The following STX18 variants were observed in gnomAD, a reference collection of about 807,000 sequenced individuals.
STX18 encodes the protein syntaxin 18, also known as syntaxin-18.
A neutral mutation model predicts 50.1 loss-of-function variants in STX18; 40 were observed. That is an observed-to-expected ratio of 0.80 (90% CI 0.62 to 1.04). The LOEUF is 1.04. STX18 is among the 50% of genes least tolerant of loss of function. STX18 has a pLI of 0.00. For missense variants in STX18, 410 were observed against 415.8 expected (o/e 0.99, Z 0.12); for synonymous variants, 158 against 151.8 (o/e 1.04, Z -0.30).
intron 1 of STX18, among the ~76,000 whole-genome samples, chr4:4,532,445 A>AAAC (rs372094545): frequency 1.2e-4 from 18 of 152,076 alleles, no homozygotes; most frequent in African/African-American, 2.2e-4. Flanking sequence ...CTAACTTTGA[A>AAAC]AACAACAACA....
chr4:4,501,038 C>CA (rs1192410826), intron 1 of STX18, among the ~76,000 whole-genome samples: 6 of 151,732 alleles, frequency 4.0e-5, no homozygotes, highest in African/African-American at 1.5e-4. Context: ...GACTCCATAT[C>CA]AAAAAAAATA....
At chr4:4,443,329 T>C (rs1167366069) in intron 5 of STX18, among the ~76,000 whole-genome samples, 1 of 152,234 alleles carries the variant, frequency 6.6e-6, no homozygotes, top group African/African-American at 2.4e-5. Flanking sequence ...AGCTGTAAAA[T>C]AGAATGTATA....
chr4:4,467,286 A>C (rs1727661813), intron 2 of STX18, among the ~76,000 whole-genome samples: 1 of 152,174 alleles, frequency 6.6e-6, no homozygotes, highest in Non-Finnish European at 1.5e-5. Context: ...GGCTGTTATC[A>C]CATTTGTTTC....
At chr4:4,424,290 G>A (rs771003727) in intron 8 of STX18, among the ~76,000 whole-genome samples, 13 of 152,148 alleles carry the variant, frequency 8.5e-5, no homozygotes, top group African/African-American at 2.7e-4. Flanking sequence ...ACAAAGCAGC[G>A]ACAGGAAGTG....
chr4:4,489,974 C>T (rs1728871941), intron 1 of STX18, among the ~76,000 whole-genome samples: 1 of 152,016 alleles, frequency 6.6e-6, no homozygotes, highest in East Asian at 1.9e-4. Flanking sequence ...AATTTAAATC[C>T]CCTTTAACAG....
chr4:4,445,877 A>G (rs1560167693), intron 5 of STX18, among the ~76,000 whole-genome samples: 1 of 152,226 alleles, frequency 6.6e-6, no homozygotes, highest in Non-Finnish European at 1.5e-5. Flanking sequence ...AATAGCAAAA[A>G]CAATACTGAA....
intron 9 of STX18, 133 bp downstream of exon 9, chr4:4,423,385 A>G (rs1209120608): frequency 2.3e-6 from 2 of 852,210 alleles, no homozygotes; most frequent in Non-Finnish European, 3.8e-6. Flanking sequence ...CTCTGCGCAC[A>G]CACACCTGCT....
intron 5 of STX18, among the ~76,000 whole-genome samples, chr4:4,449,042 CT>C (rs34106688): frequency 0.088 from 9,656 of 110,148 alleles, 253 homozygotes; most frequent in African/African-American, 0.19. Flanking sequence ...GGACCCCATT[CT>C]TTTTTTTTTT....
intron 1 of STX18, among the ~76,000 whole-genome samples, chr4:4,486,394 A>G (rs1728700978): frequency 6.6e-6 from 1 of 152,232 alleles, no homozygotes; most frequent in Non-Finnish European, 1.5e-5. Flanking sequence ...AATAGACAAG[A>G]AAAGAATTAC....
intron 1 of STX18, among the ~76,000 whole-genome samples, chr4:4,505,928 C>T (rs992681618): frequency 4.6e-5 from 7 of 152,114 alleles, no homozygotes; most frequent in Non-Finnish European, 7.4e-5. Flanking sequence ...CAATAAGTGG[C>T]CCTTTGTGCC....
intron 2 of STX18, among the ~76,000 whole-genome samples, chr4:4,465,789 A>G (rs907725730): frequency 3.9e-5 from 6 of 152,196 alleles, no homozygotes; most frequent in African/African-American, 1.4e-4. Flanking sequence ...ATAAAAAGCT[A>G]TCTGTACTGT....
intron 1 of STX18, among the ~76,000 whole-genome samples, chr4:4,528,052 A>C (rs976345001): frequency 1.3e-5 from 2 of 151,930 alleles, no homozygotes; most frequent in Non-Finnish European, 2.9e-5. Flanking sequence ...AACCCCCAGG[A>C]TGCTAGACTT....
intron 1 of STX18, among the ~76,000 whole-genome samples, chr4:4,529,255 A>G (rs6818824): frequency 0.19 from 28,604 of 152,118 alleles, 2,800 homozygotes; most frequent in African/African-American, 0.24. Flanking sequence ...CCAGCTGCTC[A>G]GGAGGCTGAG....
chr4:4,503,630 C>T (rs1324383787), intron 1 of STX18, among the ~76,000 whole-genome samples: 1 of 152,062 alleles, frequency 6.6e-6, no homozygotes, highest in Non-Finnish European at 1.5e-5. Context: ...ATCCACGTAA[C>T]CAAAACAACC....
chr4:4,427,202 C>G (rs1725293757), intron 7 of STX18, among the ~76,000 whole-genome samples: 1 of 152,140 alleles, frequency 6.6e-6, no homozygotes, highest in African/African-American at 2.4e-5. Context: ...AAGGAGGCAT[C>G]TGCTGCACTC....
intron 2 of STX18, among the ~76,000 whole-genome samples, chr4:4,464,347 TTC>T (rs1038050224): frequency 7.9e-5 from 12 of 152,254 alleles, no homozygotes; most frequent in African/African-American, 2.9e-4. Flanking sequence ...TAATGTTTTT[TTC>T]TCTTTTTCTT....
chr4:4,492,694 C>T (rs1728994618), intron 1 of STX18, among the ~76,000 whole-genome samples: 1 of 152,084 alleles, frequency 6.6e-6, no homozygotes, highest in South Asian at 2.1e-4. Context: ...GAGACATGTT[C>T]TGAATTCTGC....
At chr4:4,477,103 C>T (rs932115672) in intron 1 of STX18, among the ~76,000 whole-genome samples, 3 of 151,636 alleles carry the variant, frequency 2.0e-5, no homozygotes, top group South Asian at 2.1e-4. Flanking sequence ...AAAAACTAGC[C>T]GGTGACGCAC....
intron 1 of STX18, among the ~76,000 whole-genome samples, chr4:4,497,828 C>G (rs748430313): frequency 6.6e-6 from 1 of 152,152 alleles, no homozygotes. Flanking sequence ...TCCTATTTTC[C>G]TGAGATATAT....
Sources: allele counts gnomAD v4.1 joint callset (sites outside exome capture counted in the v4.1 genomes callset), GRCh38; gene constraint gnomAD v4.1.1; transcripts MANE v1.5; gene names NCBI Gene and HGNC (gene_info 2026-07-23, HGNC 2026-07-21).